Variants in MAP4 observed in about 807,000 individuals in gnomAD.
MAP4 encodes the protein microtubule-associated protein 4.
Under a neutral mutation model 170.2 loss-of-function variants are expected in MAP4, and 76 were observed. The ratio of observed to expected loss-of-function variants is 0.45; its 90% CI spans 0.37 to 0.54. The LOEUF (loss-of-function observed/expected upper bound fraction) is 0.54. MAP4 is among the 20% of genes least tolerant of loss of function. MAP4 has a pLI of 0.00. For missense variants in MAP4, 2,506 were observed against 2,748.0 expected (o/e 0.91, Z 1.97); for synonymous variants, 909 against 994.5 (o/e 0.91, Z 1.62).
chr3:47,858,597 GTGTGTGTGTGTGTGTGTGCGCGT>G (rs910496167), intron 17 of MAP4, among the ~76,000 whole-genome samples: 7 of 138,444 alleles, frequency 5.1e-5, no homozygotes, highest in African/African-American at 9.0e-5. Flanking sequence ...GTGTGTGTGT[GTGTGTGTGTGTGTGTGTGCGCGT>G]TGTGTGTGTG....
At chr3:47,957,515 G>A (rs2100068537) in intron 3 of MAP4, among the ~76,000 whole-genome samples, 1 of 151,998 alleles carries the variant, frequency 6.6e-6, no homozygotes, top group Admixed American at 6.6e-5. Context: ...GTCTCACTAT[G>A]TTACCCAGGC....
intron 3 of MAP4, chr3:47,960,746 A>AACATT (rs2100071074): frequency 6.0e-6 from 1 of 166,654 alleles, no homozygotes; most frequent in African/African-American, 2.4e-5. Flanking sequence ...CACCAATGTA[A>AACATT]GATTCTCATG....
At chr3:48,054,408 G>A (rs2100129536) in intron 1 of MAP4, among the ~76,000 whole-genome samples, 1 of 151,960 alleles carries the variant, frequency 6.6e-6, no homozygotes, top group African/African-American at 2.4e-5. Context: ...GGATCATGAG[G>A]TCAGAAGTTC....
chr3:47,898,322 T>C (rs954907985), intron 10 of MAP4, among the ~76,000 whole-genome samples: 1 of 151,902 alleles, frequency 6.6e-6, no homozygotes, highest in African/African-American at 2.4e-5. Flanking sequence ...GCCAACGTGA[T>C]GAAACCCTGT....
chr3:48,071,612 C>T (rs1332049906), intron 1 of MAP4, among the ~76,000 whole-genome samples: 1 of 152,084 alleles, frequency 6.6e-6, no homozygotes, highest in African/African-American at 2.4e-5. Flanking sequence ...CCAATCATTA[C>T]GATAAATACT....
rs1158397244 is a variant in MAP4 at position 47,975,285 on chromosome 3, T to C, written c.292+2580A>G. ...CAGAGCACAAGAGGAAGCAGGTTGT[T>C]TGCTCAGGCATCAGCAGAAATAGGC... On this transcript the variant is annotated intron_variant, in intron 3 of 20. Transcript: ENST00000683076. 4.1e-6 allele frequency: 6 copies of C among 1,470,874 alleles called. No homozygotes were observed. The East Asian group carries it at 1.5e-4, about 37-fold the overall frequency. The allele number at this position is 1,470,874 out of a possible 1,614,324, so 91.1% of individuals were successfully genotyped here.
At position 47,913,659 on chromosome 3, in the gene MAP4, A is replaced by G. The variant is rs543184385; in HGVS notation, c.1999+1158T>C. Among the ~76,000 whole-genome samples the G allele has an allele frequency of 7.2e-5, 11 of 152,302 alleles. No individual in the cohort carries two copies. In the East Asian group the frequency reaches 2.1e-3, roughly 29 times the overall value. On this transcript the variant is annotated intron_variant, in intron 8 of 20. Coordinates refer to ENST00000683076, the MANE Select transcript of MAP4 (RefSeq NM_001385682.1). ...ATTTTGTATACCATAAGCACTTGAT[A>G]AATCTTTACTGATTTGTTGAGTCAG...
At chr3:47,864,540 T>A (rs939961662) in intron 17 of MAP4, among the ~76,000 whole-genome samples, 1 of 151,940 alleles carries the variant, frequency 6.6e-6, no homozygotes, top group Non-Finnish European at 1.5e-5. Context: ...AGCTGGGCAT[T>A]GTGGCGGGCG....
intron 2 of MAP4, among the ~76,000 whole-genome samples, chr3:47,995,001 C>T (rs914415069): frequency 3.3e-5 from 5 of 150,956 alleles, no homozygotes; most frequent in Admixed American, 2.6e-4. Context: ...CAGAAATTGG[C>T]GAGTGGTTAC....
At chr3:48,036,538 C>T (rs564601323) in intron 1 of MAP4, among the ~76,000 whole-genome samples, 2 of 152,316 alleles carry the variant, frequency 1.3e-5, no homozygotes, top group South Asian at 2.1e-4. Context: ...TCCAAGGGGG[C>T]GCCTTCTTGA....
chr3:47,874,993 G>A (rs1339948642), intron 12 of MAP4, among the ~76,000 whole-genome samples: 2 of 152,194 alleles, frequency 1.3e-5, no homozygotes, highest in Non-Finnish European at 1.5e-5. Flanking sequence ...TCCTCCTGGA[G>A]CAATTCTGTA....
chr3:47,939,096 T>A (rs1006802427), intron 3 of MAP4, among the ~76,000 whole-genome samples: 7 of 152,198 alleles, frequency 4.6e-5, no homozygotes, highest in Non-Finnish European at 7.3e-5. Context: ...ATGAGATCAC[T>A]GATCCCCTGC....
chr3:47,864,570 G>A (rs1012739488), intron 17 of MAP4, among the ~76,000 whole-genome samples: 4 of 152,146 alleles, frequency 2.6e-5, no homozygotes, highest in Non-Finnish European at 5.9e-5. Flanking sequence ...CCAGCTACTC[G>A]GGAGGCTGAA....
chr3:47,934,201 C>A (rs577777900), intron 3 of MAP4, among the ~76,000 whole-genome samples: 1 of 152,264 alleles, frequency 6.6e-6, no homozygotes, highest in South Asian at 2.1e-4. Flanking sequence ...AACAGCACCA[C>A]AACATATTAA....
At chr3:48,038,275 A>T (rs767447096) in intron 1 of MAP4, among the ~76,000 whole-genome samples, 2 of 152,012 alleles carry the variant, frequency 1.3e-5, no homozygotes, top group Non-Finnish European at 2.9e-5. Flanking sequence ...AAAAGAACGT[A>T]TGAAAGAGTG....
At chr3:48,007,952 T>C (rs2100103292) in intron 1 of MAP4, among the ~76,000 whole-genome samples, 1 of 152,174 alleles carries the variant, frequency 6.6e-6, no homozygotes. Context: ...TACAGCTAAC[T>C]ACTCTCCTTT....
chr3:48,053,116 ACAT>A (rs1378368053), intron 1 of MAP4, among the ~76,000 whole-genome samples: 6 of 152,240 alleles, frequency 3.9e-5, no homozygotes, highest in African/African-American at 1.2e-4. Context: ...GCAGCTACTC[ACAT>A]CATAAGAAAA....
In MAP4 at chr3:47,911,484, A is replaced by G. The variant is rs760631169; in HGVS notation, c.2937T>C (p.Ser979=). The G allele has an allele frequency of 3.9e-6, 6 of 1,535,942 alleles. No homozygotes were observed. The South Asian group carries it at 7.1e-5, about 18-fold the overall frequency. ...IPNLVPTLIA[S]NPLECNLKEG... ...CTTTTAGATTACATTCTAATGGATTACTTGCTATCAAAGTGGGTACCAAAT... is the reference window on the plus strand; with the variant it reads ...CTTTTAGATTACATTCTAATGGATTGCTTGCTATCAAAGTGGGTACCAAAT... Residue 979 remains serine, a synonymous_variant, in exon 9 of 21, where the codon AGT becomes AGC. Coordinates refer to ENST00000683076, the MANE Select transcript of MAP4 (RefSeq NM_001385682.1). The surrounding 1 kb of genome is among the most constrained non-coding windows in gnomAD (Gnocchi z 4.0).
chr3:47,905,987 T>TC (rs2100032761), intron 9 of MAP4, among the ~76,000 whole-genome samples: 1 of 149,324 alleles, frequency 6.7e-6, no homozygotes, highest in Admixed American at 6.7e-5. Flanking sequence ...AGAGTGAAAC[T>TC]CCATCTCAAA....
Sources: allele counts gnomAD v4.1 joint callset (sites outside exome capture counted in the v4.1 genomes callset), GRCh38; gene constraint gnomAD v4.1.1; non-coding constraint Gnocchi (gnomAD v3.1); transcripts MANE v1.5; gene names NCBI Gene and HGNC (gene_info 2026-07-23, HGNC 2026-07-21).